The following BCAS3 variants were observed in gnomAD, a reference collection of about 807,000 sequenced individuals.
The protein encoded by BCAS3 is BCAS4/BCAS3 fusion.
BCAS3 carries 53 observed loss-of-function variants against 116.1 expected under a neutral mutation model. The observed-to-expected ratio is 0.46, with a 90% CI of 0.37 to 0.57. BCAS3 has a LOEUF of 0.57. Ranked by LOEUF, BCAS3 falls within the 20% of genes least tolerant of loss-of-function variation. The probability of loss-of-function intolerance (pLI) is 0.00; values close to 1 mark genes in which losing one functional copy is unlikely to be tolerated. For missense variants in BCAS3, 917 were observed against 1,165.4 expected (o/e 0.79, Z 3.10); for synonymous variants, 391 against 408.2 (o/e 0.96, Z 0.51).
At chr17:61,193,379 C>G (rs934492395) in intron 22 of BCAS3, among the ~76,000 whole-genome samples, 3 of 151,956 alleles carry the variant, frequency 2.0e-5, no homozygotes, top group Non-Finnish European at 4.4e-5. Context: ...CAATACAAGG[C>G]GGGAAAGAAC....
chr17:61,214,057 T>C lies in BCAS3; in HGVS notation c.2425+129493T>C, dbSNP rs1018684057. Among the ~76,000 whole-genome samples the C allele has an allele frequency of 2.0e-5, 3 of 152,064 alleles. No individual in the cohort carries two copies. Among genetic ancestry groups the C allele is most frequent in the African/African-American group, 7.2e-5 (3 of 41,400 alleles). ...CTCACAGGACTCCTAGCATGGCTGG[T>C]TTCAAAACTCGTTTGAGCTATAGGA... On this transcript the variant is annotated intron_variant, in intron 22 of 23. Coordinates refer to ENST00000407086, the MANE Select transcript of BCAS3 (RefSeq NM_017679.5). This position sits in a 1 kb window ranked among gnomAD's most constrained non-coding sequence, Gnocchi z 4.4.
intron 7 of BCAS3, among the ~76,000 whole-genome samples, chr17:60,864,717 G>T (rs1230776367): frequency 6.6e-6 from 1 of 152,152 alleles, no homozygotes; most frequent in Non-Finnish European, 1.5e-5. Flanking sequence ...AAGAGGTCTG[G>T]TTTTCTGCCT....
intron 22 of BCAS3, among the ~76,000 whole-genome samples, chr17:61,336,513 A>C (rs1363585748): frequency 2.0e-5 from 3 of 151,984 alleles, no homozygotes; most frequent in Non-Finnish European, 4.4e-5. Context: ...ACCTATGCCC[A>C]CCTCTAGCCC....
intron 7 of BCAS3, chr17:60,811,119 C>A: frequency 1.6e-6 from 1 of 631,494 alleles, no homozygotes; most frequent in Non-Finnish European, 2.9e-6. Context: ...ATCTGAAGGC[C>A]AGCTTGCAGA....
intron 7 of BCAS3, among the ~76,000 whole-genome samples, chr17:60,866,055 G>T (rs1158954811): frequency 1.3e-5 from 2 of 151,802 alleles, no homozygotes; most frequent in African/African-American, 4.8e-5. Context: ...TACATTAATA[G>T]ATATTTTGTA....
In BCAS3 at chr17:61,344,728, G is replaced by A. The variant is rs1421170092; in HGVS notation, c.2426-23599G>A. Among the ~76,000 whole-genome samples, 1 of 152,038 alleles carries A rather than the reference G, an allele frequency of 6.6e-6. No homozygotes were observed. The highest frequency in any genetic ancestry group is 2.4e-5 in the African/African-American group (1 of 41,364). On this transcript the variant is annotated intron_variant, in intron 22 of 23. Transcript: ENST00000407086. This position sits in a 1 kb window ranked among gnomAD's most constrained non-coding sequence, Gnocchi z 4.1. ...AAGGCCCTGGGGTGAAAGGAAGGAG[G>A]TTGTTGGAGGGACTGAGGGAGGTTC...
chr17:60,845,787 T>G (rs2052463972), intron 7 of BCAS3, among the ~76,000 whole-genome samples: 1 of 142,988 alleles, frequency 7.0e-6, no homozygotes, highest in African/African-American at 2.7e-5. Context: ...TCTTTTTCCT[T>G]TTTTTTTTTT....
At chr17:60,945,677 T>A (rs1599871199) in intron 13 of BCAS3, among the ~76,000 whole-genome samples, 1 of 151,966 alleles carries the variant, frequency 6.6e-6, no homozygotes, top group East Asian at 1.9e-4. Flanking sequence ...GGCGCACACC[T>A]GTAGTCCCAG....
chr17:60,954,003 G>A (rs1377835169), intron 14 of BCAS3, among the ~76,000 whole-genome samples: 1 of 152,100 alleles, frequency 6.6e-6, no homozygotes, highest in African/African-American at 2.4e-5. Flanking sequence ...CAAAGTGCTG[G>A]GATTACAGGC....
intron 19 of BCAS3, among the ~76,000 whole-genome samples, chr17:61,045,965 A>AT (rs1491214348): frequency 9.4e-5 from 1 of 10,634 alleles, no homozygotes; most frequent in African/African-American, 1.7e-3. Flanking sequence ...ATATATATAT[A>AT]ATATATATAT....
chr17:60,922,842 T>G (rs1345065844), intron 12 of BCAS3, among the ~76,000 whole-genome samples: 1 of 152,142 alleles, frequency 6.6e-6, no homozygotes, highest in African/African-American at 2.4e-5. Context: ...AAATAACTCA[T>G]GGGTCAAAGA....
At chr17:60,707,397 G>C (rs1289097635) in intron 4 of BCAS3, among the ~76,000 whole-genome samples, 2 of 152,174 alleles carry the variant, frequency 1.3e-5, no homozygotes, top group Non-Finnish European at 2.9e-5. Context: ...CAAAGTGCCG[G>C]GATTACTCAG....
chr17:61,008,320 GGA>G lies in BCAS3; in HGVS notation c.1487-7422_1487-7421del, dbSNP rs1277899892. On this transcript the variant is annotated intron_variant, in intron 15 of 23. Transcript: ENST00000407086. This position sits in a 1 kb window ranked among gnomAD's most constrained non-coding sequence, Gnocchi z 4.6. ...CTAGGAAAGGGGAGAAGAGAGAGAT[GGA>G]GAGAGAGACACACACTCCCATCCCA... 6.6e-6 allele frequency among the ~76,000 whole-genome samples: 1 copy of G among 152,000 alleles called. No homozygotes were observed. The highest frequency in any genetic ancestry group is 1.5e-5 in the Non-Finnish European group (1 of 67,958).
chr17:60,821,406 A>G (rs1039183765), intron 7 of BCAS3, among the ~76,000 whole-genome samples: 2 of 152,160 alleles, frequency 1.3e-5, no homozygotes, highest in South Asian at 2.1e-4. Context: ...AGTGTATAAT[A>G]TTATGTGTTT....
chr17:60,825,165 C>CAA (rs796973382), intron 7 of BCAS3, among the ~76,000 whole-genome samples: 1,406 of 110,238 alleles, frequency 0.013, 25 homozygotes, highest in African/African-American at 0.042. Context: ...GAACCTGTCT[C>CAA]AAAAAAAAAA....
At chr17:60,739,283 A>G (rs1326414120) in intron 5 of BCAS3, among the ~76,000 whole-genome samples, 1 of 152,212 alleles carries the variant, frequency 6.6e-6, no homozygotes, top group Non-Finnish European at 1.5e-5. Flanking sequence ...CATTATTGCT[A>G]TTATTTTGAA....
At chr17:61,374,853 T>G (rs955693545) in intron 23 of BCAS3, among the ~76,000 whole-genome samples, 1 of 152,252 alleles carries the variant, frequency 6.6e-6, no homozygotes, top group African/African-American at 2.4e-5. Context: ...TTTATTTCAT[T>G]TTTTAAAAAA....
In BCAS3 at chr17:61,307,045, T is replaced by A. The variant is rs2053910463; in HGVS notation, c.2426-61282T>A. 2.0e-5 allele frequency among the ~76,000 whole-genome samples: 3 copies of A among 152,226 alleles called. No individual in the cohort carries two copies. The highest frequency in any genetic ancestry group is 7.2e-5 in the African/African-American group (3 of 41,464). On this transcript the variant is annotated intron_variant, in intron 22 of 23. Coordinates refer to ENST00000407086, the MANE Select transcript of BCAS3 (RefSeq NM_017679.5). The surrounding 1 kb of genome is among the most constrained non-coding windows in gnomAD (Gnocchi z 4.7). Reference sequence around the variant, plus strand: ...GGCCTTTGCCCCCAGCTTCTGTGATTCTCTCAAAGGTCTTTCAGTATTGAT... The same window carrying A: ...GGCCTTTGCCCCCAGCTTCTGTGATACTCTCAAAGGTCTTTCAGTATTGAT...
chr17:60,836,874 AT>A (rs2051417078), intron 7 of BCAS3, among the ~76,000 whole-genome samples: 1 of 152,168 alleles, frequency 6.6e-6, no homozygotes, highest in Non-Finnish European at 1.5e-5. Context: ...AGTAATTAGA[AT>A]ATGTTTCACT....
Sources: allele counts gnomAD v4.1 joint callset (sites outside exome capture counted in the v4.1 genomes callset), GRCh38; gene constraint gnomAD v4.1.1; non-coding constraint Gnocchi (gnomAD v3.1); transcripts MANE v1.5; gene names NCBI Gene and HGNC (gene_info 2026-07-23, HGNC 2026-07-21).